Variants in ROPN1B observed in about 807,000 individuals in gnomAD.
ROPN1B encodes the protein ropporin-1B.
In ROPN1B, 13 loss-of-function variants were observed where a neutral mutation model predicts 23.7. The observed-to-expected ratio is 0.55, with a 90% CI of 0.36 to 0.87. ROPN1B has a LOEUF of 0.87. ROPN1B is among the 40% of genes least tolerant of loss of function. The pLI, the probability that ROPN1B is intolerant of heterozygous loss-of-function variation, is 0.01. For missense variants in ROPN1B, 183 were observed against 249.2 expected, an observed-to-expected ratio of 0.73 and a Z score of 1.79; for synonymous variants, 67 against 100.4, an observed-to-expected ratio of 0.67 and a Z score of 1.99.
At chr3:125,980,546 A>G (rs1181224490) in intron 5 of ROPN1B, among the ~76,000 whole-genome samples, 1 of 151,834 alleles carries the variant, frequency 6.6e-6, no homozygotes, top group African/African-American at 2.4e-5. Context: ...CTATGTCCTA[A>G]CTCCTCTTCT....
At chr3:125,978,676 C>A (rs1269573280) in intron 5 of ROPN1B, among the ~76,000 whole-genome samples, 1 of 152,098 alleles carries the variant, frequency 6.6e-6, no homozygotes, top group African/African-American at 2.4e-5. Flanking sequence ...CTCGTCTCTC[C>A]CAGATTGGTG....
chr3:125,972,777 A>G, intron 3 of ROPN1B: 1 of 360,744 alleles, frequency 2.8e-6, no homozygotes, highest in Non-Finnish European at 5.5e-6. Flanking sequence ...TTCTGCCAAC[A>G]TAATGATGTC....
At chr3:125,976,959 A>G (rs1938436331) in intron 4 of ROPN1B, 45 bp from the exon 5 acceptor site, 4 of 673,178 alleles carry the variant, frequency 5.9e-6, no homozygotes, top group Non-Finnish European at 1.1e-5. Flanking sequence ...CCTTGTCTCA[A>G]CTTCTCCCAC....
At chr3:125,974,865 G>A (rs1234274983) in intron 3 of ROPN1B, among the ~76,000 whole-genome samples, 15 of 152,130 alleles carry the variant, frequency 9.9e-5, no homozygotes, top group Non-Finnish European at 1.9e-4. Context: ...CCTGAGCCTT[G>A]CACAGTGCCC....
intron 2 of ROPN1B, among the ~76,000 whole-genome samples, chr3:125,971,448 C>T (rs550582211): frequency 6.6e-6 from 1 of 152,202 alleles, no homozygotes; most frequent in South Asian, 2.1e-4. Context: ...TTCAATTTGT[C>T]CTGGAACTTT....
In ROPN1B at chr3:125,974,263, C is replaced by A. The variant is rs569319928; in HGVS notation, c.117-1300C>A. On this transcript the variant is annotated intron_variant, in intron 3 of 6. Transcript: ENST00000514116. The stretch of plus-strand genomic sequence containing the variant: ...CTCCTGTTGTCACAGTGCACCCACA[C>A]CCCGCCCACCCCAACACTGATCTGT... Among the ~76,000 whole-genome samples the A allele has an allele frequency of 1.6e-3, 248 of 151,916 alleles. 1 individual carries two copies. The highest frequency in any genetic ancestry group is 4.1e-3 in the African/African-American group (172 of 41,448).
At position 125,983,266 on chromosome 3, in the gene ROPN1B, T is replaced by C; in HGVS notation, c.585T>C (p.Asp195=). The C allele has an allele frequency of 1.2e-6, 2 of 1,613,140 alleles. No homozygotes were observed. The highest frequency in any genetic ancestry group is 8.5e-7 in the Non-Finnish European group (1 of 1,179,154). ...NYIEQEVIGP[D]GLITVNDFTQ... ...TTTATCCAAACAGAATTGGTCCTGA[T>C]GGTTTAATCACGGTGAATGACTTTA... The change falls in exon 7 of 7, where the codon GAT becomes GAC. Residue 195 remains aspartate (D), a synonymous_variant. Transcript: ENST00000514116.
At chr3:125,972,008 G>C in intron 2 of ROPN1B, 35 bp from the exon 3 acceptor site, 2 of 1,596,290 alleles carry the variant, frequency 1.3e-6, no homozygotes. Flanking sequence ...ATGAGTCCAA[G>C]TTTTCATCTT....
At chr3:125,972,477 C>T (rs1938251072) in intron 3 of ROPN1B, 2 of 485,818 alleles carry the variant, frequency 4.1e-6, no homozygotes, top group Non-Finnish European at 7.2e-6. Context: ...ACACCCACCT[C>T]CTCCCTGCAC....
At chr3:125,974,440 G>A (rs755645317) in intron 3 of ROPN1B, among the ~76,000 whole-genome samples, 1 of 152,150 alleles carries the variant, frequency 6.6e-6, no homozygotes, top group Non-Finnish European at 1.5e-5. Flanking sequence ...ATCATTGTAT[G>A]GCTTGACCCT....
At chr3:125,977,780 T>C (rs996733269) in intron 5 of ROPN1B, 6 of 155,826 alleles carry the variant, frequency 3.9e-5, no homozygotes, top group African/African-American at 1.4e-4. Context: ...TTTATATGTA[T>C]AGATATTTAA....
At chr3:125,971,095 G>C (rs1481455326) in intron 1 of ROPN1B, 22 bp from the exon 2 acceptor site, 1 of 153,474 alleles carries the variant, frequency 6.5e-6, no homozygotes, top group African/African-American at 2.4e-5. Flanking sequence ...CCTAATCCTT[G>C]GTCTCTATCC....
intron 3 of ROPN1B, chr3:125,973,099 G>C (rs1938274996): frequency 2.9e-6 from 1 of 349,728 alleles, no homozygotes; most frequent in Admixed American, 3.9e-5. Context: ...TTTACTGTTT[G>C]ATGATTCCCT....
chr3:125,979,437 G>A (rs1042505383), intron 5 of ROPN1B, among the ~76,000 whole-genome samples: 1 of 152,024 alleles, frequency 6.6e-6, no homozygotes, highest in South Asian at 2.1e-4. Flanking sequence ...CATGAGGGTG[G>A]AGCCCTCATG....
intron 3 of ROPN1B, 68 bp downstream of exon 3, chr3:125,972,238 G>C: frequency 6.6e-7 from 1 of 1,515,782 alleles, no homozygotes; most frequent in Non-Finnish European, 9.1e-7. Context: ...GTAAAACCGC[G>C]GAGGTTGTCA....
At chr3:125,976,205 A>C (rs947443326) in intron 4 of ROPN1B, among the ~76,000 whole-genome samples, 2 of 152,124 alleles carry the variant, frequency 1.3e-5, no homozygotes, top group African/African-American at 2.4e-5. Flanking sequence ...ATTCCCAGGA[A>C]ATATGGTTGA....
intron 3 of ROPN1B, among the ~76,000 whole-genome samples, chr3:125,975,207 A>C (rs148563929): frequency 6.6e-6 from 1 of 152,294 alleles, no homozygotes; most frequent in East Asian, 1.9e-4. Flanking sequence ...CCAAGATTAT[A>C]TATACACATG....
chr3:125,979,747 C>G (rs35648524), intron 5 of ROPN1B, among the ~76,000 whole-genome samples: 2 of 152,194 alleles, frequency 1.3e-5, no homozygotes, highest in Non-Finnish European at 2.9e-5. Context: ...GCGAATTCAA[C>G]GGCAAGACAG....
rs1580352113 is a variant in ROPN1B at position 125,982,209 on chromosome 3, T to C, written c.397-61T>C. 4.3e-6 allele frequency: 6 copies of C among 1,393,086 alleles called. No individual in the cohort carries two copies. The East Asian group carries it at 1.5e-4, about 34-fold the overall frequency. 86.3% of individuals were successfully genotyped at this position (1,393,086 alleles called of 1,614,324 possible). ...TTTTGTTTTCTTTCTTGTATCTAAA[T>C]GGATCTCAGGAATATTGCCTGGAAG... is the stretch of plus-strand genomic sequence containing the variant. On this transcript the variant is annotated intron_variant, in intron 5 of 6. Coordinates refer to ENST00000514116, the MANE Select transcript of ROPN1B (RefSeq NM_001308313.2).
Sources: gnomAD v4.1 joint callset for allele counts (sites outside exome capture counted in the v4.1 genomes callset) on GRCh38, gnomAD v4.1.1 for gene constraint, MANE v1.5 for transcripts, NCBI Gene and HGNC (gene_info 2026-07-23, HGNC 2026-07-21) for gene names.